Variants in NOL4 observed in about 807,000 individuals in gnomAD.
NOL4 encodes nucleolar protein 4, also known as cancer/testis antigen 125.
A neutral mutation model predicts 75.9 loss-of-function variants in NOL4; 17 were observed. That is an observed-to-expected ratio of 0.22 (90% CI 0.15 to 0.34). The LOEUF (loss-of-function observed/expected upper bound fraction) is 0.34, where lower values mean the gene tolerates loss of function less well. Ranked by LOEUF, NOL4 falls within the 10% of genes least tolerant of loss-of-function variation. NOL4 has a pLI of 1.00. For synonymous variants in NOL4, 292 were observed against 289.9 expected (o/e 1.01, Z -0.07); for missense variants, 614 against 793.5 (o/e 0.77, Z 2.72).
chr18:34,001,435 G>A (rs1170858275), intron 6 of NOL4, among the ~76,000 whole-genome samples: 2 of 152,102 alleles, frequency 1.3e-5, no homozygotes, highest in African/African-American at 4.8e-5. Flanking sequence ...CTTTCAGCTA[G>A]TCTGATTTAG....
chr18:34,143,071 G>T (rs1469199378), intron 1 of NOL4, among the ~76,000 whole-genome samples: 1 of 147,708 alleles, frequency 6.8e-6, no homozygotes, highest in Non-Finnish European at 1.5e-5. Flanking sequence ...GGAGGGAGGG[G>T]AAGGGAGGGG....
Position 34,068,228 on chromosome 18 carries a change from G to A in NOL4, c.772+25237C>T, listed in dbSNP as rs921817590. Reference sequence around the variant, plus strand: ...GGAAATCAGCCAAGACTAGGTGACAGTTCACTGTGGCAAAATGGTTAAAAA... The same window carrying A: ...GGAAATCAGCCAAGACTAGGTGACAATTCACTGTGGCAAAATGGTTAAAAA... On this transcript the variant is annotated intron_variant, in intron 5 of 10. Coordinates refer to ENST00000261592, the MANE Select transcript of NOL4 (RefSeq NM_003787.5). 3.3e-5 allele frequency among the ~76,000 whole-genome samples: 5 copies of A among 152,194 alleles called. No homozygotes were observed. In the South Asian group the frequency reaches 1.0e-3, roughly 32 times the overall value.
intron 1 of NOL4, chr18:34,221,330 TTA>T (rs1239135915): frequency 1.3e-5 from 2 of 152,364 alleles, no homozygotes; most frequent in African/African-American, 2.4e-5. Flanking sequence ...AAATGCATGT[TTA>T]TGTTTTGAAT....
At chr18:34,161,982 T>C (rs7240763) in intron 1 of NOL4, among the ~76,000 whole-genome samples, 7 of 151,910 alleles carry the variant, frequency 4.6e-5, no homozygotes, top group African/African-American at 1.5e-4. Context: ...ATTATCCTCC[T>C]AACTTCTAAA....
At chr18:33,985,689 C>T (rs1249679202) in intron 6 of NOL4, among the ~76,000 whole-genome samples, 1 of 152,108 alleles carries the variant, frequency 6.6e-6, no homozygotes, top group Non-Finnish European at 1.5e-5. Context: ...AAATAAAGTG[C>T]TATCAAAATT....
chr18:33,984,099 G>A (rs1286552970), intron 6 of NOL4, among the ~76,000 whole-genome samples: 3 of 151,932 alleles, frequency 2.0e-5, no homozygotes, highest in Non-Finnish European at 2.9e-5. Context: ...ACATGTGAGA[G>A]GGTCAAAAAA....
chr18:34,141,410 A>G (rs1440613949), intron 1 of NOL4, among the ~76,000 whole-genome samples: 1 of 152,220 alleles, frequency 6.6e-6, no homozygotes, highest in Non-Finnish European at 1.5e-5. Context: ...AGCTGGAGGC[A>G]TCACACTACC....
chr18:34,216,845 C>A (rs908263962), intron 1 of NOL4, among the ~76,000 whole-genome samples: 2 of 151,796 alleles, frequency 1.3e-5, no homozygotes, highest in Non-Finnish European at 2.9e-5. Context: ...GAATAAATAT[C>A]TTTGAGAAGA....
intron 1 of NOL4, among the ~76,000 whole-genome samples, chr18:34,148,785 T>A (rs1297650550): frequency 6.6e-6 from 1 of 151,972 alleles, no homozygotes; most frequent in African/African-American, 2.4e-5. Flanking sequence ...TATGTCTTGT[T>A]GATCTGTCTA....
chr18:33,890,775 G>A (rs896037930), intron 9 of NOL4, among the ~76,000 whole-genome samples: 1 of 152,052 alleles, frequency 6.6e-6, no homozygotes, highest in Non-Finnish European at 1.5e-5. Flanking sequence ...GTTTCTGGAA[G>A]TGTGTGTGCT....
chr18:33,852,935 G>A lies in NOL4; in HGVS notation c.1824C>T (p.Ala608=), dbSNP rs748233231. 9 of 1,613,028 alleles carry A rather than the reference G, an allele frequency of 5.6e-6. No homozygotes were observed. The highest frequency in any genetic ancestry group is 1.6e-4 in the Middle Eastern group (1 of 6,074). The change falls in exon 11 of 11, where the codon GCC becomes GCT. Residue 608 remains alanine, a synonymous_variant. Transcript: ENST00000261592. ...RPQLSPTEIN[A]VRQLVAGYRE... ...GATATCCTGCAACAAGCTGTCTCAC[G>A]GCATTGATTTCAGTTGGACTCAGCT...
intron 6 of NOL4, among the ~76,000 whole-genome samples, chr18:33,961,707 G>T (rs1352354085): frequency 6.6e-6 from 1 of 152,092 alleles, no homozygotes; most frequent in Non-Finnish European, 1.5e-5. Flanking sequence ...ACACTGAGAA[G>T]AGTGGTAGAG....
chr18:34,079,585 C>A (rs1441635304), intron 5 of NOL4, among the ~76,000 whole-genome samples: 2 of 152,100 alleles, frequency 1.3e-5, no homozygotes, highest in Non-Finnish European at 2.9e-5. Context: ...TACCTTCAAC[C>A]ATATACCAAC....
chr18:34,047,511 T>G (rs1447443723), intron 5 of NOL4, among the ~76,000 whole-genome samples: 3 of 152,116 alleles, frequency 2.0e-5, no homozygotes, highest in Non-Finnish European at 4.4e-5. Flanking sequence ...TACCCATTGA[T>G]AGTCATAAAC....
chr18:34,034,741 C>T (rs911414099), intron 5 of NOL4, among the ~76,000 whole-genome samples: 1 of 150,136 alleles, frequency 6.7e-6, no homozygotes, highest in East Asian at 1.9e-4. Context: ...CCCTGCCCCA[C>T]CCCACCCCCC....
At chr18:33,968,040 C>T (rs1337432425) in intron 6 of NOL4, among the ~76,000 whole-genome samples, 2 of 151,942 alleles carry the variant, frequency 1.3e-5, no homozygotes, top group African/African-American at 4.8e-5. Flanking sequence ...GAGCCGAGAT[C>T]GTGCCACTGC....
chr18:33,981,000 T>A (rs1157405548), intron 6 of NOL4, among the ~76,000 whole-genome samples: 1 of 151,974 alleles, frequency 6.6e-6, no homozygotes, highest in Non-Finnish European at 1.5e-5. Context: ...ATAGAAATTC[T>A]GGGATAGAAA....
At chr18:34,075,636 C>T (rs916190762) in intron 5 of NOL4, among the ~76,000 whole-genome samples, 2 of 152,140 alleles carry the variant, frequency 1.3e-5, no homozygotes, top group African/African-American at 4.8e-5. Context: ...GAAGAGGCTA[C>T]ACTCCATGTA....
At chr18:34,020,254 A>G (rs1465695020) in intron 5 of NOL4, among the ~76,000 whole-genome samples, 2 of 152,216 alleles carry the variant, frequency 1.3e-5, no homozygotes, top group Non-Finnish European at 2.9e-5. Context: ...GAATTGAGAG[A>G]ACAGTTCAAT....
Sources: allele counts gnomAD v4.1 joint callset (sites outside exome capture counted in the v4.1 genomes callset), GRCh38; gene constraint gnomAD v4.1.1; transcripts MANE v1.5; gene names NCBI Gene and HGNC (gene_info 2026-07-23, HGNC 2026-07-21).